The following TMEM170B variants were observed in gnomAD, a reference collection of about 807,000 sequenced individuals.
TMEM170B encodes transmembrane protein 170B.
In TMEM170B, 6 loss-of-function variants were observed where a neutral mutation model predicts 13.0. That is an observed-to-expected ratio of 0.46 (90% CI 0.25 to 0.91). The LOEUF is 0.91. TMEM170B is among the 40% of genes least tolerant of loss of function. TMEM170B has a pLI of 0.17. For synonymous variants in TMEM170B, 61 were observed against 64.9 expected, an observed-to-expected ratio of 0.94 and a Z score of 0.29; for missense variants, 138 against 165.2, an observed-to-expected ratio of 0.84 and a Z score of 0.90.
intron 1 of TMEM170B, among the ~76,000 whole-genome samples, chr6:11,563,220 C>T (rs899833645): frequency 1.3e-5 from 2 of 152,222 alleles, no homozygotes; most frequent in South Asian, 2.1e-4. Context: ...CCTGTAATCC[C>T]AGCTACTTGG....
At position 11,581,932 on chromosome 6, in the gene TMEM170B, C is replaced by A. The variant is rs562941224; in HGVS notation, c.*6371C>A. ...TTGATAGTTTAACTGTTGACACTTT[C>A]TTAATGTTTTTGATGTTGGATGCAT... On this transcript the variant is annotated 3_prime_UTR_variant, in exon 3 of 3. Coordinates refer to ENST00000379426, the MANE Select transcript of TMEM170B (RefSeq NM_001100829.3). The A allele has an allele frequency of 1.3e-5, 2 of 152,236 alleles. No individual in the cohort carries two copies. The highest frequency in any genetic ancestry group is 6.5e-5 in the Admixed American group (1 of 15,286). 9.4% of individuals were successfully genotyped at this position (152,236 alleles called of 1,614,324 possible). A position where few individuals can be genotyped will look rare whatever the true frequency, so the allele number is the denominator to read the frequency against.
chr6:11,543,800 GT>G (rs921898238), intron 1 of TMEM170B, among the ~76,000 whole-genome samples: 4 of 152,054 alleles, frequency 2.6e-5, no homozygotes, highest in Non-Finnish European at 5.9e-5. Context: ...TGTCACTAGT[GT>G]TTTTTTCCCA....
intron 1 of TMEM170B, among the ~76,000 whole-genome samples, chr6:11,565,050 G>A (rs189060451): frequency 2.2e-3 from 328 of 152,298 alleles, no homozygotes; most frequent in Admixed American, 3.1e-3. Flanking sequence ...CTTAAGCTGA[G>A]ATGTCAGTGA....
chr6:11,551,628 C>G (rs1280403358), intron 1 of TMEM170B, among the ~76,000 whole-genome samples: 1 of 152,180 alleles, frequency 6.6e-6, no homozygotes, highest in Non-Finnish European at 1.5e-5. Context: ...ATGTGCCAGT[C>G]TCTGTGGTAA....
At chr6:11,541,303 G>A (rs1759357608) in intron 1 of TMEM170B, among the ~76,000 whole-genome samples, 2 of 152,176 alleles carry the variant, frequency 1.3e-5, no homozygotes, top group Non-Finnish European at 2.9e-5. Flanking sequence ...GTTGTTTGGG[G>A]TAGCCACCTT....
At chr6:11,540,237 T>G (rs1759340540) in intron 1 of TMEM170B, among the ~76,000 whole-genome samples, 1 of 152,180 alleles carries the variant, frequency 6.6e-6, no homozygotes, top group South Asian at 2.1e-4. Context: ...GACTCTTCCT[T>G]TCATGAAAGA....
chr6:11,568,674 A>AT (rs1759764254), intron 2 of TMEM170B, among the ~76,000 whole-genome samples: 4 of 152,088 alleles, frequency 2.6e-5, no homozygotes, highest in South Asian at 2.1e-4. Flanking sequence ...AAAACATTTA[A>AT]TTTTTTTCTG....
In TMEM170B at chr6:11,538,288, A is replaced by T; in HGVS notation, c.11A>T (p.Glu4Val). The change falls in exon 1 of 3, where the codon GAG (glutamate) becomes GTG (valine). Residue 4 changes from glutamate (E) to valine (V), a missense_variant. Transcript: ENST00000379426. MKAEGGDHSMINLS... is the reference protein window; with the variant it reads MKAVGGDHSMINLS... Reference sequence around the variant, plus strand: ...CGCCCCTCGGGGAAGATGAAGGCGGAGGGGGGCGACCACTCCATGATCAAC... The same window carrying T: ...CGCCCCTCGGGGAAGATGAAGGCGGTGGGGGGCGACCACTCCATGATCAAC... 7.1e-7 allele frequency: 1 copy of T among 1,412,678 alleles called. No individual in the cohort carries two copies. The highest frequency in any genetic ancestry group is 9.2e-7 in the Non-Finnish European group (1 of 1,082,870). The allele number at this position is 1,412,678 out of a possible 1,614,324, so 87.5% of individuals were successfully genotyped here.
At chr6:11,562,185 C>T (rs1374594415) in intron 1 of TMEM170B, among the ~76,000 whole-genome samples, 1 of 151,974 alleles carries the variant, frequency 6.6e-6, no homozygotes, top group East Asian at 1.9e-4. Flanking sequence ...ATTCTACTCC[C>T]TTATATTCTC....
intron 1 of TMEM170B, among the ~76,000 whole-genome samples, chr6:11,563,992 T>G (rs566408998): frequency 6.6e-6 from 1 of 152,290 alleles, no homozygotes; most frequent in Non-Finnish European, 1.5e-5. Flanking sequence ...CAAAATCATA[T>G]GGTATTCATT....
intron 1 of TMEM170B, among the ~76,000 whole-genome samples, chr6:11,550,562 G>A (rs1759511430): frequency 6.6e-6 from 1 of 152,104 alleles, no homozygotes; most frequent in African/African-American, 2.4e-5. Flanking sequence ...TGGTACTAAG[G>A]AAGGAAAGTG....
In TMEM170B at chr6:11,537,785, C is replaced by T. The variant is rs982434552; in HGVS notation, c.-493C>T. Among the ~76,000 whole-genome samples, 1 of 151,350 alleles carries T rather than the reference C, an allele frequency of 6.6e-6. No homozygotes were observed. The highest frequency in any genetic ancestry group is 1.5e-5 in the Non-Finnish European group (1 of 67,594). Reference sequence around the variant, plus strand: ...GGCGACCCGAGGGCGGGCAGGCGGGCGGCAGGTGCCGCCGCAGCCTCTGGC... The same window carrying T: ...GGCGACCCGAGGGCGGGCAGGCGGGTGGCAGGTGCCGCCGCAGCCTCTGGC... On this transcript the variant is annotated 5_prime_UTR_variant, in exon 1 of 3. Coordinates refer to ENST00000379426, the MANE Select transcript of TMEM170B (RefSeq NM_001100829.3).
At chr6:11,539,509 G>A (rs1479274245) in intron 1 of TMEM170B, among the ~76,000 whole-genome samples, 10 of 152,038 alleles carry the variant, frequency 6.6e-5, no homozygotes, top group African/African-American at 1.9e-4. Context: ...AAATTTTATG[G>A]AATTATATAC....
At position 11,582,868 on chromosome 6, in the gene TMEM170B, A is replaced by G. The variant is rs1759975761; in HGVS notation, c.*7307A>G. On this transcript the variant is annotated 3_prime_UTR_variant, in exon 3 of 3. Coordinates refer to ENST00000379426, the MANE Select transcript of TMEM170B (RefSeq NM_001100829.3). Reference sequence around the variant, plus strand: ...TCCCCTTCTGTTAAGACTATAAACTATATGAGTATGTGTACTGCATGTTTA... The same window carrying G: ...TCCCCTTCTGTTAAGACTATAAACTGTATGAGTATGTGTACTGCATGTTTA... 6.6e-6 allele frequency: 1 copy of G among 152,212 alleles called. No individual in the cohort carries two copies. The highest frequency in any genetic ancestry group is 1.5e-5 in the Non-Finnish European group (1 of 68,016). The allele number at this position is 152,212 out of a possible 1,614,324, so 9.4% of individuals were successfully genotyped here. A position where few individuals can be genotyped will look rare whatever the true frequency, so the allele number is the denominator to read the frequency against.
intron 1 of TMEM170B, among the ~76,000 whole-genome samples, chr6:11,541,828 G>A (rs762959116): frequency 6.6e-6 from 1 of 152,046 alleles, no homozygotes; most frequent in Non-Finnish European, 1.5e-5. Flanking sequence ...AGGATTATTA[G>A]TTGGCCTGAT....
At chr6:11,548,550 T>A (rs545916588) in intron 1 of TMEM170B, among the ~76,000 whole-genome samples, 3 of 152,298 alleles carry the variant, frequency 2.0e-5, no homozygotes, top group Non-Finnish European at 2.9e-5. Context: ...GAAATACCAT[T>A]TGACCCAGCC....
At chr6:11,546,643 G>A (rs1318658502) in intron 1 of TMEM170B, among the ~76,000 whole-genome samples, 1 of 152,080 alleles carries the variant, frequency 6.6e-6, no homozygotes, top group African/African-American at 2.4e-5. Context: ...TTTATGTTTA[G>A]AGACACAAAT....
chr6:11,559,308 C>G (rs899401379), intron 1 of TMEM170B, among the ~76,000 whole-genome samples: 1 of 151,532 alleles, frequency 6.6e-6, no homozygotes, highest in Non-Finnish European at 1.5e-5. Flanking sequence ...GTGATTCTCC[C>G]GTCTCAGCCT....
chr6:11,540,432 A>G (rs1759344756), intron 1 of TMEM170B, among the ~76,000 whole-genome samples: 1 of 152,200 alleles, frequency 6.6e-6, no homozygotes, highest in African/African-American at 2.4e-5. Context: ...GCATCTCAAG[A>G]AACCACTTTC....
Sources: gnomAD v4.1 joint callset for allele counts (sites outside exome capture counted in the v4.1 genomes callset) on GRCh38, gnomAD v4.1.1 for gene constraint, MANE v1.5 for transcripts, NCBI Gene and HGNC (gene_info 2026-07-23, HGNC 2026-07-21) for gene names.